The following SH3RF3 variants were observed in gnomAD, a reference collection of about 807,000 sequenced individuals.
SH3RF3 encodes the protein E3 ubiquitin-protein ligase SH3RF3.
In SH3RF3, 29 loss-of-function variants were observed where a neutral mutation model predicts 66.3. The ratio of observed to expected loss-of-function variants is 0.44; its 90% CI spans 0.33 to 0.60. The LOEUF is 0.60. Ranked by LOEUF, SH3RF3 falls within the 20% of genes least tolerant of loss-of-function variation. The pLI is 0.04. For missense variants in SH3RF3, 1,194 were observed against 1,190.9 expected, an observed-to-expected ratio of 1.00 and a Z score of -0.04; for synonymous variants, 583 against 532.0, an observed-to-expected ratio of 1.10 and a Z score of -1.32.
chr2:109,189,192 C>T (rs929311372), intron 1 of SH3RF3, among the ~76,000 whole-genome samples: 4 of 151,890 alleles, frequency 2.6e-5, no homozygotes, highest in African/African-American at 9.7e-5. Flanking sequence ...AATGCTGCTT[C>T]TGATACCCCC....
chr2:109,189,253 C>T (rs894322454), intron 1 of SH3RF3, among the ~76,000 whole-genome samples: 1 of 151,844 alleles, frequency 6.6e-6, no homozygotes, highest in African/African-American at 2.4e-5. Flanking sequence ...TGAGGTCTGG[C>T]CAAGCTTGAT....
At chr2:109,172,530 C>T (rs543930704) in intron 1 of SH3RF3, among the ~76,000 whole-genome samples, 147 of 152,312 alleles carry the variant, frequency 9.7e-4, no homozygotes, top group African/African-American at 3.2e-3. Context: ...TACCTCCCTC[C>T]GCTTGTCCCG....
chr2:109,387,930 A>G (rs760385226), intron 3 of SH3RF3, among the ~76,000 whole-genome samples: 10 of 150,244 alleles, frequency 6.7e-5, no homozygotes, highest in Non-Finnish European at 1.2e-4. Context: ...CTGCTCCCAC[A>G]CTGGCCCAGA....
At chr2:109,172,558 CCAAA>C (rs1384045140) in intron 1 of SH3RF3, among the ~76,000 whole-genome samples, 1 of 152,160 alleles carries the variant, frequency 6.6e-6, no homozygotes, top group Non-Finnish European at 1.5e-5. Flanking sequence ...TCTTGTTATT[CCAAA>C]CAGTGTGGAT....
intron 1 of SH3RF3, among the ~76,000 whole-genome samples, chr2:109,317,008 C>T (rs1681901536): frequency 6.6e-6 from 1 of 152,072 alleles, no homozygotes; most frequent in Non-Finnish European, 1.5e-5. Context: ...CTGAATAACA[C>T]TCCATTGTCT....
chr2:109,430,809 TTG>T (rs1677187973), intron 5 of SH3RF3, among the ~76,000 whole-genome samples: 2 of 151,958 alleles, frequency 1.3e-5, no homozygotes, highest in South Asian at 4.2e-4. Flanking sequence ...AAGCCCAGAG[TTG>T]GTCCTAATTT....
intron 1 of SH3RF3, among the ~76,000 whole-genome samples, chr2:109,211,679 C>T (rs1482537298): frequency 6.7e-6 from 1 of 150,314 alleles, no homozygotes; most frequent in African/African-American, 2.5e-5. Flanking sequence ...GAGTCTCGCT[C>T]TGTCACCCAG....
chr2:109,388,748 C>T (rs1468156949), intron 3 of SH3RF3, among the ~76,000 whole-genome samples: 1 of 152,200 alleles, frequency 6.6e-6, no homozygotes, highest in African/African-American at 2.4e-5. Context: ...CTCTAATCCT[C>T]AGACCTCCAA....
intron 1 of SH3RF3, among the ~76,000 whole-genome samples, chr2:109,232,298 T>C (rs1679531429): frequency 6.6e-6 from 1 of 152,152 alleles, no homozygotes; most frequent in Admixed American, 6.5e-5. Context: ...TTTTTGACTG[T>C]AGTCATCCTA....
intron 1 of SH3RF3, among the ~76,000 whole-genome samples, chr2:109,213,416 G>T (rs1476229386): frequency 6.6e-6 from 1 of 152,206 alleles, no homozygotes; most frequent in Admixed American, 6.5e-5. Context: ...CATTTTATTA[G>T]GGAAGAAAGT....
At chr2:109,243,813 G>A (rs1414442419) in intron 1 of SH3RF3, among the ~76,000 whole-genome samples, 1 of 152,212 alleles carries the variant, frequency 6.6e-6, no homozygotes, top group Non-Finnish European at 1.5e-5. Context: ...GCGTTGGGAA[G>A]CCATTGAAAG....
intron 8 of SH3RF3, among the ~76,000 whole-genome samples, chr2:109,458,601 A>AGAGAGAG (rs1553524376): frequency 4.0e-5 from 6 of 149,032 alleles, no homozygotes; most frequent in Admixed American, 6.7e-5. Flanking sequence ...AGAGAGAGAG[A>AGAGAGAG]ATTTATTTAT....
chr2:109,374,821 C>T (rs1482433059), intron 3 of SH3RF3, among the ~76,000 whole-genome samples: 2 of 152,246 alleles, frequency 1.3e-5, no homozygotes, highest in African/African-American at 2.4e-5. Flanking sequence ...GGACTCTCAC[C>T]TCGCCTGGCC....
At chr2:109,142,092 G>T (rs1436915967) in intron 1 of SH3RF3, among the ~76,000 whole-genome samples, 1 of 151,898 alleles carries the variant, frequency 6.6e-6, no homozygotes, top group Non-Finnish European at 1.5e-5. Flanking sequence ...GCAGCCCCTG[G>T]CCTGTCCCCT....
chr2:109,495,073 G>A (rs1679224581), intron 9 of SH3RF3, among the ~76,000 whole-genome samples: 1 of 152,206 alleles, frequency 6.6e-6, no homozygotes, highest in Non-Finnish European at 1.5e-5. Flanking sequence ...CGAGCCTGGG[G>A]TGTAAGTCAC....
chr2:109,286,723 C>A (rs372190012), intron 1 of SH3RF3, among the ~76,000 whole-genome samples: 2 of 152,184 alleles, frequency 1.3e-5, no homozygotes, highest in African/African-American at 4.8e-5. Flanking sequence ...CCAGGATTCC[C>A]AGTACCTTTG....
chr2:109,396,589 G>T (rs73955573), intron 3 of SH3RF3, among the ~76,000 whole-genome samples: 4 of 152,176 alleles, frequency 2.6e-5, no homozygotes, highest in African/African-American at 9.7e-5. Flanking sequence ...ACTCATCAAG[G>T]TGCTACCAGC....
chr2:109,141,020 C>T (rs573965696), intron 1 of SH3RF3, among the ~76,000 whole-genome samples: 14 of 152,288 alleles, frequency 9.2e-5, no homozygotes, highest in Admixed American at 2.0e-4. Flanking sequence ...GTTGGGCAGG[C>T]GGTATCTGGC....
In SH3RF3 at chr2:109,140,386, C is replaced by CT. The variant is rs971337555; in HGVS notation, c.573+10284dup. Among the ~76,000 whole-genome samples, 235 of 144,896 alleles carry CT rather than the reference C, an allele frequency of 1.6e-3. 1 individual carries two copies. Among genetic ancestry groups the CT allele is most frequent in the Admixed American group, 2.3e-3 (34 of 14,528 alleles). ...TTCCCAGACTTCAGAAATTTCTTGC[C>CT]TTTTTTTTTTTAGAGACGGAGTCTT... On this transcript the variant is annotated intron_variant, in intron 1 of 9. Transcript: ENST00000309415.
Sources: gnomAD v4.1 joint callset for allele counts (sites outside exome capture counted in the v4.1 genomes callset) on GRCh38, gnomAD v4.1.1 for gene constraint, MANE v1.5 for transcripts, NCBI Gene and HGNC (gene_info 2026-07-23, HGNC 2026-07-21) for gene names.